Variants in HPX observed in about 807,000 individuals in gnomAD.
The protein encoded by HPX is hemopexin.
HPX carries 42 observed loss-of-function variants against 53.8 expected under a neutral mutation model. That is an observed-to-expected ratio of 0.78 (90% CI 0.61 to 1.01). HPX has a LOEUF of 1.01. HPX is among the 50% of genes least tolerant of loss of function. The pLI is 0.00. For missense variants in HPX, 547 were observed against 594.3 expected, an observed-to-expected ratio of 0.92 and a Z score of 0.83; for synonymous variants, 229 against 221.1, an observed-to-expected ratio of 1.04 and a Z score of -0.32.
intron 5 of HPX, chr11:6,438,134 G>C: frequency 1.7e-6 from 1 of 588,248 alleles, no homozygotes; most frequent in East Asian, 2.8e-5. Flanking sequence ...GGGGAACAAT[G>C]AGGGACTATT....
intron 4 of HPX, 74 bp downstream of exon 4, chr11:6,440,091 G>A: frequency 1.3e-6 from 2 of 1,595,698 alleles, no homozygotes; most frequent in Non-Finnish European, 1.7e-6. Flanking sequence ...CCATGCCAAG[G>A]CCATTTGGGG....
intron 6 of HPX, 116 bp from the exon 7 acceptor site, chr11:6,437,293 T>C: frequency 1.4e-6 from 2 of 1,409,142 alleles, no homozygotes; most frequent in Non-Finnish European, 2.0e-6. Context: ...ATGAGGGCAA[T>C]GGGAAAATCC....
Position 6,440,969 on chromosome 11 carries a change from G to A in HPX, c.-6C>T. On this transcript the variant is annotated 5_prime_UTR_variant, in exon 1 of 10. Coordinates refer to ENST00000265983, the MANE Select transcript of HPX (RefSeq NM_000613.3). ...GCTCCCAGTACCCTAGCCATGCTGA[G>A]CTGCAGAGGCCACAGGACAGCTCTG... 1 of 1,596,858 alleles carries A rather than the reference G, an allele frequency of 6.3e-7. No individual in the cohort carries two copies. The highest frequency in any genetic ancestry group is 8.5e-7 in the Non-Finnish European group (1 of 1,170,086).
chr11:6,440,187 T>G lies in HPX; in HGVS notation c.314A>C (p.His105Pro). Residue 105 changes from histidine to proline, a missense_variant, in exon 4 of 10, where the codon CAC becomes CCC. Coordinates refer to ENST00000265983, the MANE Select transcript of HPX (RefSeq NM_000613.3). Reference sequence around the variant, plus strand: ...TACCTTGATCAGAAAGACACTGTTGTGACCTTGACGGAATGCAGCATCCAC... The same window carrying G: ...TACCTTGATCAGAAAGACACTGTTGGGACCTTGACGGAATGCAGCATCCAC... ...SPVDAAFRQG[H>P]NSVFLIKGDK... is the part of the protein sequence containing the mutation. 1 of 1,614,144 alleles carries G rather than the reference T, an allele frequency of 6.2e-7. No individual in the cohort carries two copies. Among genetic ancestry groups the G allele is most frequent in the Non-Finnish European group, 8.5e-7 (1 of 1,180,024 alleles).
rs1564955522 is a variant in HPX, at chr11:6,437,026, GA to G, written c.835+19del. 3 of 1,613,042 alleles carry G rather than the reference GA, an allele frequency of 1.9e-6. No individual in the cohort carries two copies. In the East Asian group the frequency reaches 6.7e-5, roughly 36 times the overall value. ...AAAGAGATGTGAGAGCACATTGGGG[GA>G]GTTGGGGGCATCTCTCACCACTGAA... On this transcript the variant is annotated intron_variant, in intron 7 of 9. Coordinates refer to ENST00000265983, the MANE Select transcript of HPX (RefSeq NM_000613.3).
At chr11:6,435,932 G>A (rs913011252) in intron 7 of HPX, among the ~76,000 whole-genome samples, 4 of 152,078 alleles carry the variant, frequency 2.6e-5, no homozygotes, top group Admixed American at 6.5e-5. Flanking sequence ...TGTGTTTCCT[G>A]TGGCCCTGTT....
At position 6,431,123 on chromosome 11, in the gene HPX, G is replaced by A. The variant is rs1399649212; in HGVS notation, c.*88C>T. On this transcript the variant is annotated 3_prime_UTR_variant, in exon 10 of 10. Transcript: ENST00000265983. The stretch of plus-strand genomic sequence containing the variant: ...GGCCAGGCCAGACTCATGTCAGAAG[G>A]CCCCTCAGTGAGAAGCGAAGAAGCA... 1 of 1,542,422 alleles carries A rather than the reference G, an allele frequency of 6.5e-7. No individual in the cohort carries two copies. The highest frequency in any genetic ancestry group is 1.4e-5 in the African/African-American group (1 of 73,428).
intron 5 of HPX, 78 bp from the exon 6 acceptor site, chr11:6,437,730 G>T: frequency 1.8e-6 from 2 of 1,131,422 alleles, no homozygotes; most frequent in Admixed American, 1.8e-5. Flanking sequence ...TCCCAGGATG[G>T]GCCAGATAAT....
At chr11:6,432,103 G>C (rs1849358743) in intron 7 of HPX, 86 bp from the exon 8 acceptor site, 2 of 1,473,204 alleles carry the variant, frequency 1.4e-6, no homozygotes, top group African/African-American at 2.8e-5. Flanking sequence ...AATGAGTCAT[G>C]AGAGGGAGAG....
intron 7 of HPX, among the ~76,000 whole-genome samples, chr11:6,433,208 C>T (rs1590803504): frequency 2.0e-5 from 3 of 152,196 alleles, no homozygotes; most frequent in Non-Finnish European, 4.4e-5. Flanking sequence ...CGGAGTTTCA[C>T]TCTTGTTCCC....
chr11:6,440,161 G>A lies in HPX; in HGVS notation c.336+4C>T. 6.2e-7 allele frequency: 1 copy of A among 1,614,094 alleles called. No individual in the cohort carries two copies. The highest frequency in any genetic ancestry group is 8.5e-7 in the Non-Finnish European group (1 of 1,180,044). Reference sequence around the variant, plus strand: ...GCCTGGCCCTGATTTTGGCCCAGCAGTACCTTGATCAGAAAGACACTGTTG... The same window carrying A: ...GCCTGGCCCTGATTTTGGCCCAGCAATACCTTGATCAGAAAGACACTGTTG... On this transcript the variant is annotated splice_donor_region_variant and intron_variant, in intron 4 of 9. Transcript: ENST00000265983.
chr11:6,432,349 G>A (rs1388060619), intron 7 of HPX: 4 of 302,794 alleles, frequency 1.3e-5, no homozygotes, highest in South Asian at 4.3e-5. Context: ...TATAGATAAT[G>A]AAATACAGTG....
Position 6,431,362 on chromosome 11 carries a change from A to G in HPX, c.1238T>C (p.Leu413Pro). The change falls in exon 10 of 10, where the codon CTT becomes CCT. Residue 413 changes from leucine to proline, a missense_variant. Coordinates refer to ENST00000265983, the MANE Select transcript of HPX (RefSeq NM_000613.3). Reference protein sequence around the residue: ...VDGALCMEKSLGPNSCSANGP... With the variant: ...VDGALCMEKSPGPNSCSANGP... ...ATTGGCGGAACATGAGTTAGGGCCA[A>G]GGGACTTTTCCATACACAAGGCTCC... 6.2e-7 allele frequency: 1 copy of G among 1,614,268 alleles called. No individual in the cohort carries two copies. The highest frequency in any genetic ancestry group is 8.5e-7 in the Non-Finnish European group (1 of 1,180,052).
rs576101364 is a variant in HPX at position 6,435,099 on chromosome 11, A to T, written c.835+1947T>A. ...CAAAAATTAAATTAATAAATAGTAC[A>T]TTGTAACCCAAAAAAAAATACAAAA... On this transcript the variant is annotated intron_variant, in intron 7 of 9. Coordinates refer to ENST00000265983, the MANE Select transcript of HPX (RefSeq NM_000613.3). 9.2e-5 allele frequency among the ~76,000 whole-genome samples: 14 copies of T among 152,062 alleles called. No individual in the cohort carries two copies. In the South Asian group the frequency reaches 1.0e-3, roughly 11 times the overall value.
At chr11:6,440,786 C>A (rs1386270713) in intron 1 of HPX, 56 bp from the exon 2 acceptor site, 7 of 1,593,984 alleles carry the variant, frequency 4.4e-6, no homozygotes, top group Non-Finnish European at 6.0e-6. Context: ...TTTCCCATAG[C>A]CCCTGACCCC....
At chr11:6,433,874 C>T (rs1038654526) in intron 7 of HPX, among the ~76,000 whole-genome samples, 2 of 152,184 alleles carry the variant, frequency 1.3e-5, no homozygotes, top group African/African-American at 4.8e-5. Flanking sequence ...GTGCTGCTCA[C>T]CCTCCCTAAA....
In HPX at chr11:6,437,174, T is replaced by C. The variant is rs375903948; in HGVS notation, c.707A>G (p.His236Arg). Residue 236 changes from histidine to arginine, a missense_variant, in exon 7 of 10, where the codon CAT becomes CGT. Transcript: ENST00000265983. ...ATGGCCAGTCCCATTCCTGTGTCCATGGCCTGGAGAGAGAAATGGGTGAGG... is the reference window on the plus strand; with the variant it reads ...ATGGCCAGTCCCATTCCTGTGTCCACGGCCTGGAGAGAGAAATGGGTGAGG... Reference protein sequence around the residue: ...DYFMPCPGRGHGHRNGTGHGN... With the variant: ...DYFMPCPGRGRGHRNGTGHGN... The C allele has an allele frequency of 1.3e-5, 21 of 1,613,094 alleles. No homozygotes were observed. The highest frequency in any genetic ancestry group is 1.7e-5 in the Admixed American group (1 of 59,898).
In HPX at chr11:6,431,731, T is replaced by C. The variant is rs767617417; in HGVS notation, c.1039A>G (p.Lys347Glu). ...LVSGYPKRLE[K>E]EVGTPHGIIL... is the part of the protein sequence containing the mutation. ...ATCCCATGAGGGGTCCCGACTTCCT[T>C]CTCCAGCCGCTTCGGATAACCGCTT... Residue 347 changes from lysine to glutamate, a missense_variant, in exon 9 of 10, where the codon AAG becomes GAG. Transcript: ENST00000265983. 6.2e-7 allele frequency: 1 copy of C among 1,614,148 alleles called. No homozygotes were observed.
rs1359766789 is a variant in HPX, at chr11:6,437,191, T to C, written c.704-14A>G. ...TGTGTCCATGGCCTGGAGAGAGAAA[T>C]GGGTGAGGAGAACACAGAAGGAGGC... is the stretch of plus-strand genomic sequence containing the variant. On this transcript the variant is annotated splice_polypyrimidine_tract_variant and intron_variant, in intron 6 of 9. Coordinates refer to ENST00000265983, the MANE Select transcript of HPX (RefSeq NM_000613.3). 1.9e-6 allele frequency: 3 copies of C among 1,610,194 alleles called. No homozygotes were observed. The highest frequency in any genetic ancestry group is 2.7e-5 in the African/African-American group (2 of 74,652).
Sources: allele counts gnomAD v4.1 joint callset (sites outside exome capture counted in the v4.1 genomes callset), GRCh38; gene constraint gnomAD v4.1.1; transcripts MANE v1.5; gene names NCBI Gene and HGNC (gene_info 2026-07-23, HGNC 2026-07-21).